Variants in MAPK10 observed in about 807,000 individuals in gnomAD.
MAPK10 encodes the protein mitogen-activated protein kinase 10.
In MAPK10, 25 loss-of-function variants were observed where a neutral mutation model predicts 59.3. That is an observed-to-expected ratio of 0.42 (90% CI 0.31 to 0.59). The LOEUF (loss-of-function observed/expected upper bound fraction) is 0.59, where lower values mean the gene tolerates loss of function less well. Ranked by LOEUF, MAPK10 falls within the 20% of genes least tolerant of loss-of-function variation. The probability of loss-of-function intolerance (pLI) is 0.15; values close to 1 mark genes in which losing one functional copy is unlikely to be tolerated. For synonymous variants in MAPK10, 190 were observed against 200.5 expected (o/e 0.95, Z 0.44); for missense variants, 351 against 568.9 (o/e 0.62, Z 3.90).
intron 9 of MAPK10, among the ~76,000 whole-genome samples, chr4:86,088,054 C>G (rs566411449): frequency 6.6e-6 from 1 of 152,252 alleles, no homozygotes; most frequent in Admixed American, 6.5e-5. Context: ...AGACATAAAA[C>G]TTTCATAAGT....
At chr4:86,482,376 C>G (rs996507471) in intron 1 of MAPK10, among the ~76,000 whole-genome samples, 1 of 152,108 alleles carries the variant, frequency 6.6e-6, no homozygotes, top group Non-Finnish European at 1.5e-5. Flanking sequence ...CAACATAAAT[C>G]TTGCTTGTAG....
intron 2 of MAPK10, among the ~76,000 whole-genome samples, chr4:86,198,283 AT>A (rs1369495013): frequency 6.6e-6 from 1 of 152,074 alleles, no homozygotes; most frequent in Admixed American, 6.6e-5. Flanking sequence ...ATTCCTGCCC[AT>A]TACAAAAGAT....
At chr4:86,590,691 C>A (rs577832127) in intron 1 of MAPK10, among the ~76,000 whole-genome samples, 3 of 152,044 alleles carry the variant, frequency 2.0e-5, no homozygotes, top group African/African-American at 7.2e-5. Flanking sequence ...GAGGCTGAGG[C>A]AGGAGGATAG....
At chr4:86,505,639 G>A (rs564321873) in intron 1 of MAPK10, among the ~76,000 whole-genome samples, 4 of 152,138 alleles carry the variant, frequency 2.6e-5, no homozygotes, top group East Asian at 1.9e-4. Flanking sequence ...GAACTCCTGC[G>A]AAGACATGAG....
At chr4:86,256,809 C>T (rs1443254985) in intron 2 of MAPK10, among the ~76,000 whole-genome samples, 4 of 140,510 alleles carry the variant, frequency 2.8e-5, no homozygotes, top group Admixed American at 2.3e-4. Flanking sequence ...GGCGCGATCT[C>T]GGCTCACTGC....
intron 2 of MAPK10, among the ~76,000 whole-genome samples, chr4:86,284,576 A>G (rs2094931239): frequency 1.3e-5 from 2 of 152,224 alleles, no homozygotes; most frequent in African/African-American, 4.8e-5. Flanking sequence ...TAGGAAAGGA[A>G]TAATACTACC....
intron 2 of MAPK10, among the ~76,000 whole-genome samples, chr4:86,343,629 T>G (rs1002788893): frequency 2.6e-5 from 4 of 152,218 alleles, no homozygotes; most frequent in African/African-American, 9.6e-5. Flanking sequence ...CCTTTTCATG[T>G]GGCCCCCAAA....
chr4:86,247,505 A>G (rs1015636815), intron 2 of MAPK10, among the ~76,000 whole-genome samples: 1 of 152,190 alleles, frequency 6.6e-6, no homozygotes, highest in Non-Finnish European at 1.5e-5. Flanking sequence ...TGTCTGAGGC[A>G]TCGTTAGGCC....
At chr4:86,325,532 C>T (rs1247231133) in intron 2 of MAPK10, among the ~76,000 whole-genome samples, 3 of 152,194 alleles carry the variant, frequency 2.0e-5, no homozygotes, top group Non-Finnish European at 4.4e-5. Flanking sequence ...TTACTAAATA[C>T]AGCCCTATTT....
At chr4:86,143,587 C>T (rs1158357172) in intron 4 of MAPK10, among the ~76,000 whole-genome samples, 1 of 152,110 alleles carries the variant, frequency 6.6e-6, no homozygotes, top group African/African-American at 2.4e-5. Flanking sequence ...AATATAGATA[C>T]CCACAACCAG....
In MAPK10 at chr4:86,012,918, A is replaced by C. The variant is rs1013834584; in HGVS notation, c.*4310T>G. 1 of 152,220 alleles carries C rather than the reference A, an allele frequency of 6.6e-6. No individual in the cohort carries two copies. Among genetic ancestry groups the C allele is most frequent in the African/African-American group, 2.4e-5 (1 of 41,462 alleles). The allele number at this position is 152,220 out of a possible 1,614,324, so 9.4% of individuals were successfully genotyped here. A position where few individuals can be genotyped will look rare whatever the true frequency, so the allele number is the denominator to read the frequency against. ...CAAGACAATTCTCATCATTGGTAAT[A>C]GTCTTTGGAGTCCAATCATGCAGAA... On this transcript the variant is annotated 3_prime_UTR_variant, in exon 14 of 14. Transcript: ENST00000641462.
intron 1 of MAPK10, among the ~76,000 whole-genome samples, chr4:86,412,437 A>G (rs982254103): frequency 6.6e-6 from 1 of 152,110 alleles, no homozygotes; most frequent in African/African-American, 2.4e-5. Flanking sequence ...CTGAATTTGA[A>G]TGTTGGCCTG....
chr4:86,292,328 A>T (rs911931340), intron 2 of MAPK10, among the ~76,000 whole-genome samples: 1 of 152,210 alleles, frequency 6.6e-6, no homozygotes, highest in African/African-American at 2.4e-5. Flanking sequence ...AAGATGATGA[A>T]GCACAATCCT....
chr4:86,415,789 C>G (rs1041095160), intron 1 of MAPK10, among the ~76,000 whole-genome samples: 1 of 152,036 alleles, frequency 6.6e-6, no homozygotes, highest in Non-Finnish European at 1.5e-5. Context: ...TGGAGGATAA[C>G]CTAATGTCAG....
At chr4:86,136,478 C>T (rs561148918) in intron 4 of MAPK10, among the ~76,000 whole-genome samples, 2 of 150,124 alleles carry the variant, frequency 1.3e-5, no homozygotes, top group Non-Finnish European at 2.9e-5. Context: ...TACAGACAAG[C>T]AAATGCTGAG....
chr4:86,122,074 A>T (rs956406746), intron 4 of MAPK10, among the ~76,000 whole-genome samples: 1 of 152,126 alleles, frequency 6.6e-6, no homozygotes, highest in African/African-American at 2.4e-5. Context: ...GGCATTATTA[A>T]CTGAGAAAAA....
chr4:86,473,537 C>T (rs1752825351), intron 1 of MAPK10, among the ~76,000 whole-genome samples: 1 of 152,194 alleles, frequency 6.6e-6, no homozygotes, highest in African/African-American at 2.4e-5. Flanking sequence ...CTCTCTCTTC[C>T]TCCAGCCCCA....
chr4:86,467,806 C>T (rs1307638954), intron 1 of MAPK10, among the ~76,000 whole-genome samples: 3 of 152,182 alleles, frequency 2.0e-5, no homozygotes, highest in East Asian at 1.9e-4. Context: ...GCGTGAGCCA[C>T]GGCACCCAGC....
chr4:86,271,476 T>C (rs2094431213), intron 2 of MAPK10, among the ~76,000 whole-genome samples: 1 of 151,966 alleles, frequency 6.6e-6, no homozygotes, highest in Admixed American at 6.6e-5. Context: ...ATTCAGAGGG[T>C]ACATATGGAG....
Sources: allele counts gnomAD v4.1 joint callset (sites outside exome capture counted in the v4.1 genomes callset), GRCh38; gene constraint gnomAD v4.1.1; transcripts MANE v1.5; gene names NCBI Gene and HGNC (gene_info 2026-07-23, HGNC 2026-07-21).